The following SNRNP200 variants were observed in gnomAD, a reference collection of about 807,000 sequenced individuals.
SNRNP200 encodes the protein small nuclear ribonucleoprotein U5 subunit 200.
A neutral mutation model predicts 255.2 loss-of-function variants in SNRNP200; 66 were observed. That is an observed-to-expected ratio of 0.26 (90% CI 0.21 to 0.32). SNRNP200 has a LOEUF of 0.32. Ranked by LOEUF, SNRNP200 falls within the 10% of genes least tolerant of loss-of-function variation. SNRNP200 has a pLI of 1.00. For missense variants in SNRNP200, 1,585 were observed against 2,749.8 expected (o/e 0.58, Z 9.47); for synonymous variants, 939 against 1,027.8 (o/e 0.91, Z 1.65).
Position 96,285,297 on chromosome 2 carries a change from C to A in SNRNP200, c.4047G>T (p.Gly1349=), listed in dbSNP as rs1307393246. The change falls in exon 30 of 45, where the codon GGG becomes GGT. Residue 1349 remains glycine, a synonymous_variant. Transcript: ENST00000323853. ...VYNSDDNVFV[G]APTGSGKTIC... The stretch of plus-strand genomic sequence containing the variant: ...TAGTCTTCCCGCTGCCCGTGGGGGC[C>A]CCCACAAACACGTTGTCGTCACTGT... 4 of 1,614,010 alleles carry A rather than the reference C, an allele frequency of 2.5e-6. No individual in the cohort carries two copies. The highest frequency in any genetic ancestry group is 3.4e-6 in the Non-Finnish European group (4 of 1,180,026).
rs2063885767 is a variant in SNRNP200 at position 96,291,799 on chromosome 2, C to G, written c.2262G>C (p.Glu754Asp). 6.2e-7 allele frequency: 1 copy of G among 1,614,192 alleles called. No homozygotes were observed. ...EKDTLGLFLR[E>D]GSASTEVLRT... Reference sequence around the variant, plus strand: ...GCAGGACTTCTGTGGAGGCTGAGCCCTCCCTCAGAAACAGACCCAGAGTGT... The same window carrying G: ...GCAGGACTTCTGTGGAGGCTGAGCCGTCCCTCAGAAACAGACCCAGAGTGT... Residue 754 changes from glutamate to aspartate, a missense_variant, in exon 17 of 45, where the codon GAG becomes GAC. Transcript: ENST00000323853. The surrounding 1 kb of genome is among the most constrained non-coding windows in gnomAD (Gnocchi z 4.2).
chr2:96,295,760 A>G, intron 13 of SNRNP200, 102 bp from the exon 14 acceptor site: 1 of 1,217,118 alleles, frequency 8.2e-7, no homozygotes, highest in Non-Finnish European at 1.2e-6. Context: ...AGCAGGTATC[A>G]ACCCATCAGG....
intron 35 of SNRNP200, among the ~76,000 whole-genome samples, chr2:96,280,572 T>C (rs983431359): frequency 6.6e-6 from 1 of 151,664 alleles, no homozygotes; most frequent in African/African-American, 2.4e-5. Context: ...TTTTTTGAGA[T>C]GGAGTCTCGC....
At chr2:96,299,626 T>C (rs1341738088) in intron 5 of SNRNP200, among the ~76,000 whole-genome samples, 199 bp from the exon 6 acceptor site, 1 of 152,186 alleles carries the variant, frequency 6.6e-6, no homozygotes, top group Non-Finnish European at 1.5e-5. Context: ...TAGATATATC[T>C]ACTTTCTATT....
Position 96,275,281 on chromosome 2 carries a change from C to T in SNRNP200, c.6243G>A (p.Arg2081=), listed in dbSNP as rs1279736838. The change falls in exon 44 of 45, where the codon AGG becomes AGA. Residue 2081 remains arginine, a synonymous_variant. Coordinates refer to ENST00000323853, the MANE Select transcript of SNRNP200 (RefSeq NM_014014.5). ...CCTTGGCCTTCTGCTGCAAGGTCAG[C>T]CTCTTGATGGAGATGAGGCTATTGG... ...AKSNSLISIK[R]LTLQQKAKVK... 1.2e-6 allele frequency: 2 copies of T among 1,614,082 alleles called. No individual in the cohort carries two copies. The highest frequency in any genetic ancestry group is 1.7e-6 in the Non-Finnish European group (2 of 1,180,052).
At chr2:96,282,519 C>T (rs2063809521) in intron 34 of SNRNP200, 1 of 177,300 alleles carries the variant, frequency 5.6e-6, no homozygotes, top group African/African-American at 2.4e-5. Context: ...TCTGTGTCTC[C>T]ACCAAATCTC....
At chr2:96,299,694 C>T (rs928693994) in intron 5 of SNRNP200, among the ~76,000 whole-genome samples, 1 of 152,170 alleles carries the variant, frequency 6.6e-6, no homozygotes, top group Non-Finnish European at 1.5e-5. Flanking sequence ...CTCTAATACA[C>T]ACACAATCAA....
chr2:96,275,977 G>C (rs1684650710), intron 43 of SNRNP200, among the ~76,000 whole-genome samples: 1 of 152,238 alleles, frequency 6.6e-6, no homozygotes, highest in Non-Finnish European at 1.5e-5. Flanking sequence ...CTGCAGTCCA[G>C]CCTGGGCGAC....
At position 96,297,699 on chromosome 2, in the gene SNRNP200, G is replaced by A. The variant is rs773117720; in HGVS notation, c.1141C>T (p.Arg381Ter). The A allele has an allele frequency of 1.2e-6, 2 of 1,614,170 alleles. No individual in the cohort carries two copies. The highest frequency in any genetic ancestry group is 1.7e-6 in the Non-Finnish European group (2 of 1,180,012). Residue 381 changes from arginine to a stop codon, truncating the protein, a stop_gained, in exon 10 of 45, where the codon CGA (arginine) becomes TGA (stop). Transcript: ENST00000323853. LOFTEE classifies it high-confidence loss of function. ...GTGTCCATTCGAGACTGACGCACTC[G>A]CTCTCTCCGGGACCTTTCCTCCTGT... is the stretch of plus-strand genomic sequence containing the variant. ...LIREERSRRE[R>*]VRQSRMDTDL...
rs1192844596 is a variant in SNRNP200 at position 96,287,814 on chromosome 2, T to C, written c.3365+49A>G. 6.6e-7 allele frequency: 1 copy of C among 1,523,328 alleles called. No homozygotes were observed. The highest frequency in any genetic ancestry group is 2.2e-5 in the East Asian group (1 of 44,470). The allele number at this position is 1,523,328 out of a possible 1,614,324, so 94.4% of individuals were successfully genotyped here. On this transcript the variant is annotated intron_variant, in intron 25 of 44. Transcript: ENST00000323853. The surrounding 1 kb of genome is among the most constrained non-coding windows in gnomAD (Gnocchi z 5.7). ...AGGCTTTCCCATCAGACCCTTGGGTTGGGGACCCCCACTCATGGTGACCAG... is the reference window on the plus strand; with the variant it reads ...AGGCTTTCCCATCAGACCCTTGGGTCGGGGACCCCCACTCATGGTGACCAG...
Position 96,292,381 on chromosome 2 carries a change from A to C in SNRNP200, c.2161-481T>G, listed in dbSNP as rs556590694. ...AAGATCTGTCTCTTCATATAAATTC[A>C]TATGCTTCTTTTCATCAGACAAAAA... is the stretch of plus-strand genomic sequence containing the variant. On this transcript the variant is annotated intron_variant, in intron 16 of 44. Coordinates refer to ENST00000323853, the MANE Select transcript of SNRNP200 (RefSeq NM_014014.5). 1.4e-4 allele frequency among the ~76,000 whole-genome samples: 21 copies of C among 152,390 alleles called. No homozygotes were observed. In the South Asian group the frequency reaches 1.9e-3, roughly 14 times the overall value.
At position 96,287,125 on chromosome 2, in the gene SNRNP200, T is replaced by G. The variant is rs1328007227; in HGVS notation, c.3520A>C (p.Ile1174Leu). ...GGAAACAGATGGACATATTTGTGGA[T>G]GGTCTTCCCCATCTTTGGCATGCGG... ...LIRMPKMGKT[I>L]HKYVHLFPKL... The change falls in exon 27 of 45, where the codon ATC becomes CTC. Residue 1174 changes from isoleucine to leucine, a missense_variant. This residue lies in a region of SNRNP200 where 719 missense variants were observed against 1,091.1 expected (regional missense o/e 0.66). Coordinates refer to ENST00000323853, the MANE Select transcript of SNRNP200 (RefSeq NM_014014.5). The surrounding 1 kb of genome is among the most constrained non-coding windows in gnomAD (Gnocchi z 5.7). The G allele has an allele frequency of 6.2e-7, 1 of 1,614,212 alleles. No homozygotes were observed. Among genetic ancestry groups the G allele is most frequent in the Non-Finnish European group, 8.5e-7 (1 of 1,180,022 alleles).
At position 96,283,774 on chromosome 2, in the gene SNRNP200, T is replaced by C. The variant is rs2063824225; in HGVS notation, c.4584+39A>G. On this transcript the variant is annotated intron_variant, in intron 32 of 44. Transcript: ENST00000323853. The surrounding 1 kb of genome is among the most constrained non-coding windows in gnomAD (Gnocchi z 4.7). ...TCAGACCTGGGTCACTCAGGATCTATGTGACACCCCACAGACGGATGAGGA... is the reference window on the plus strand; with the variant it reads ...TCAGACCTGGGTCACTCAGGATCTACGTGACACCCCACAGACGGATGAGGA... 1.2e-6 allele frequency: 2 copies of C among 1,613,924 alleles called. No homozygotes were observed.
Position 96,305,428 on chromosome 2 carries a change from C to T in SNRNP200, c.10G>A (p.Val4Ile). 1 of 1,614,198 alleles carries T rather than the reference C, an allele frequency of 6.2e-7. No homozygotes were observed. ...TCGTATTGCAGACTACGGGCGGTTA[C>T]ATCCGCCATGGCCGCGGCTGCTCGG... MAD[V>I]TARSLQYEYK... The change falls in exon 1 of 45, where the codon GTA (valine) becomes ATA (isoleucine). Residue 4 changes from valine (V) to isoleucine (I), a missense_variant. Coordinates refer to ENST00000323853, the MANE Select transcript of SNRNP200 (RefSeq NM_014014.5).
rs370095598 is a variant in SNRNP200 at position 96,278,528 on chromosome 2, G to C, written c.5488+19C>G. 1.9e-6 allele frequency: 3 copies of C among 1,613,554 alleles called. No homozygotes were observed. The South Asian group carries it at 3.3e-5, about 18-fold the overall frequency. On this transcript the variant is annotated intron_variant, in intron 38 of 44. Transcript: ENST00000323853. This position sits in a 1 kb window ranked among gnomAD's most constrained non-coding sequence, Gnocchi z 6.9. ...AAAAAGGCTCCCACAGACAGGACAC[G>C]GGCCATGCCGGGCCTCACCAATGGT...
At chr2:96,288,858 GA>G in intron 23 of SNRNP200, 112 bp from the exon 24 acceptor site, 3 of 1,059,626 alleles carry the variant, frequency 2.8e-6, no homozygotes, top group Non-Finnish European at 4.4e-6. Context: ...TACAGGTCTT[GA>G]TTTACAAATA....
At position 96,287,594 on chromosome 2, in the gene SNRNP200, G is replaced by T; in HGVS notation, c.3366-37C>A. 6.7e-7 allele frequency: 1 copy of T among 1,492,256 alleles called. No homozygotes were observed. Among genetic ancestry groups the T allele is most frequent in the African/African-American group, 1.4e-5 (1 of 72,630 alleles). The allele number at this position is 1,492,256 out of a possible 1,614,324, so 92.4% of individuals were successfully genotyped here. A position where few individuals can be genotyped will look rare whatever the true frequency, so the allele number is the denominator to read the frequency against. On this transcript the variant is annotated intron_variant, in intron 25 of 44. Transcript: ENST00000323853. This position sits in a 1 kb window ranked among gnomAD's most constrained non-coding sequence, Gnocchi z 5.7. ...GGAGGCAAAGCTGTTGGTCCCTTCT[G>T]CAGGGATGTGACAAACCACCCACTT... is the stretch of plus-strand genomic sequence containing the variant.
intron 43 of SNRNP200, chr2:96,276,349 T>A (rs547026414): frequency 1.9e-5 from 3 of 160,712 alleles, no homozygotes; most frequent in African/African-American, 7.3e-5. Context: ...TAAAGACAAA[T>A]GCATCTTAAA....
At position 96,275,388 on chromosome 2, in the gene SNRNP200, CT is replaced by C. The variant is rs754726147; in HGVS notation, c.6175-40del. On this transcript the variant is annotated intron_variant, in intron 43 of 44. Coordinates refer to ENST00000323853, the MANE Select transcript of SNRNP200 (RefSeq NM_014014.5). ...AAACCAAGAATTTCAGCATGTAAAACTTGATGACCATAGGCAACCATGAAAA... is the reference window on the plus strand; with the variant it reads ...AAACCAAGAATTTCAGCATGTAAAACTGATGACCATAGGCAACCATGAAAA... 3 of 1,565,356 alleles carry C rather than the reference CT, an allele frequency of 1.9e-6. No homozygotes were observed. In the African/African-American group the frequency reaches 4.1e-5, roughly 21 times the overall value.
Sources: allele counts gnomAD v4.1 joint callset (sites outside exome capture counted in the v4.1 genomes callset), GRCh38; gene constraint gnomAD v4.1.1; regional missense constraint gnomAD v4.1.1; non-coding constraint Gnocchi (gnomAD v3.1); transcripts MANE v1.5; gene names NCBI Gene and HGNC (gene_info 2026-07-23, HGNC 2026-07-21).